GGT1: variants seen among roughly 807,000 people sequenced by gnomAD.
GGT1 encodes gamma-glutamyltransferase 1.
In GGT1, 21 loss-of-function variants were observed where a neutral mutation model predicts 56.0. That is an observed-to-expected ratio of 0.38 (90% CI 0.27 to 0.54). The LOEUF (loss-of-function observed/expected upper bound fraction) is 0.54. GGT1 is among the 20% of genes least tolerant of loss of function. The pLI is 0.82. For missense variants in GGT1, 466 were observed against 787.0 expected, an observed-to-expected ratio of 0.59 and a Z score of 4.88; for synonymous variants, 238 against 342.6, an observed-to-expected ratio of 0.69 and a Z score of 3.37.
At chr22:24,607,782 C>T (rs1187878658) in intron 1 of GGT1, 172 bp from the exon 2 acceptor site, 3 of 340,386 alleles carry the variant, frequency 8.8e-6, no homozygotes, top group East Asian at 9.2e-5. Context: ...TGCCTCTGCT[C>T]CTCCTCGGAG....
upstream of GGT1, among the ~76,000 whole-genome samples, chr22:24,594,295 C>G (rs1382160643): frequency 6.6e-6 from 1 of 151,934 alleles, no homozygotes; most frequent in South Asian, 2.1e-4. Flanking sequence ...GCAAGGAGCA[C>G]GTGTTTAGCC....
At chr22:24,591,758 C>T (rs960327375), upstream of GGT1, among the ~76,000 whole-genome samples, 1 of 152,232 alleles carries the variant, frequency 6.6e-6, no homozygotes, top group African/African-American at 2.4e-5. Context: ...TGCTGTTTGC[C>T]ACAGATGCCA....
chr22:24,620,819 T>C lies in GGT1; in HGVS notation c.576-94T>C, dbSNP rs1255190735. On this transcript the variant is annotated intron_variant, in intron 8 of 15. Coordinates refer to ENST00000400382, the MANE Select transcript of GGT1 (RefSeq NM_001288833.2). The surrounding 1 kb of genome is among the most constrained non-coding windows in gnomAD (Gnocchi z 5.6). ...ACCCACCTGTGACAGGCGCTGCCCC[T>C]GTTCTGCTCCGTTCTCCTGTGTGGA... 12 of 1,534,626 alleles carry C rather than the reference T, an allele frequency of 7.8e-6. No homozygotes were observed.
intron 1 of GGT1, among the ~76,000 whole-genome samples, chr22:24,595,655 G>A (rs368096050): frequency 7.2e-5 from 11 of 152,202 alleles, no homozygotes; most frequent in African/African-American, 9.7e-5. Flanking sequence ...TGATGGGAAC[G>A]TACTAGGCTC....
chr22:24,589,023 G>C, the GGT1 span: 7 of 1,022,218 alleles, frequency 6.8e-6, no homozygotes, highest in Non-Finnish European at 7.1e-6. Context: ...ACACACAGCA[G>C]CTGCAAGCCC....
chr22:24,592,553 G>C (rs535736244), upstream of GGT1: 22 of 447,170 alleles, frequency 4.9e-5, no homozygotes, highest in South Asian at 3.6e-4. Context: ...CCAGGCTACC[G>C]GGCCACCCTC....
the GGT1 span, among the ~76,000 whole-genome samples, chr22:24,584,017 T>C: frequency 2.3e-4 from 35 of 152,352 alleles, 1 homozygote; most frequent in South Asian, 7.2e-3. Context: ...AAATAATAGA[T>C]TGCTCACAGA....
the GGT1 span, chr22:24,588,559 A>G: frequency 1.3e-6 from 1 of 793,368 alleles, no homozygotes; most frequent in East Asian, 3.2e-5. Context: ...CCAGTCCCGC[A>G]GTGCCCGGCG....
At chr22:24,583,920 A>G in the GGT1 span, 16 of 388,352 alleles carry the variant, frequency 4.1e-5, no homozygotes, top group Non-Finnish European at 1.6e-5. Context: ...CTCCAACAGG[A>G]GTTTCAGGGA....
rs1238281043 is a variant in GGT1, at chr22:24,624,052, G to C, written c.1020+136G>C. 7.2e-6 allele frequency: 11 copies of C among 1,517,596 alleles called. No individual in the cohort carries two copies. In the South Asian group the frequency reaches 1.4e-4, roughly 19 times the overall value. The allele number at this position is 1,517,596 out of a possible 1,614,324, so 94.0% of individuals were successfully genotyped here. A position where few individuals can be genotyped will look rare whatever the true frequency, so the allele number is the denominator to read the frequency against. On this transcript the variant is annotated intron_variant, in intron 11 of 15. Transcript: ENST00000400382. Reference sequence around the variant, plus strand: ...CACAGACTTCGATTGCGGGCCTACTGTGTGCTCGGATGGACTCGTGGGTGA... The same window carrying C: ...CACAGACTTCGATTGCGGGCCTACTCTGTGCTCGGATGGACTCGTGGGTGA...
chr22:24,608,065 G>A lies in GGT1; in HGVS notation c.-359+42G>A, dbSNP rs1299422881. On this transcript the variant is annotated intron_variant, in intron 2 of 15. Transcript: ENST00000400382. ...CCCAAGGAAGGGGGTCTGGGTTTGA[G>A]GCCAACCATGGCAGCTGACCTACTT... 8.6e-6 allele frequency: 4 copies of A among 462,664 alleles called. No individual in the cohort carries two copies. In the Admixed American group the frequency reaches 9.8e-5, roughly 11 times the overall value. 28.7% of individuals were successfully genotyped at this position (462,664 alleles called of 1,614,324 possible).
intron 1 of GGT1, among the ~76,000 whole-genome samples, chr22:24,596,877 C>T (rs942947489): frequency 7.8e-6 from 1 of 127,416 alleles, no homozygotes; most frequent in Non-Finnish European, 1.6e-5. Flanking sequence ...TGCGTGGTGA[C>T]TTCACTCCAG....
At chr22:24,621,534 C>A (rs1185541435) in intron 9 of GGT1, among the ~76,000 whole-genome samples, 1 of 142,846 alleles carries the variant, frequency 7.0e-6, no homozygotes, top group African/African-American at 2.8e-5. Context: ...GGGGCAGGGG[C>A]CTGGAGCTTG....
chr22:24,609,010 A>G (rs2046495259), intron 2 of GGT1: 1 of 152,212 alleles, frequency 6.6e-6, no homozygotes, highest in African/African-American at 2.4e-5. Flanking sequence ...TTGCTGGCCC[A>G]GCTCCTGAGG....
chr22:24,611,540 TATC>T (rs56865474), intron 5 of GGT1, among the ~76,000 whole-genome samples: 13,821 of 65,746 alleles, frequency 0.21, 698 homozygotes, highest in Middle Eastern at 0.32. Context: ...TCTATCTATC[TATC>T]ATCTATCTAT....
chr22:24,586,399 G>C, the GGT1 span: 1 of 1,612,222 alleles, frequency 6.2e-7, no homozygotes, highest in Non-Finnish European at 8.5e-7. Flanking sequence ...TCTTCTGGAG[G>C]CTGCTCTTGA....
chr22:24,598,445 CAAAAAAA>C (rs1186508492), upstream of GGT1, among the ~76,000 whole-genome samples: 5 of 76,036 alleles, frequency 6.6e-5, no homozygotes, highest in African/African-American at 2.3e-4. Context: ...GACTCCGTCT[CAAAAAAA>C]AAAAAAAAAA....
intron 7 of GGT1, chr22:24,616,111 CA>C (rs112572592): frequency 0.43 from 52,014 of 120,244 alleles, 9,450 homozygotes; most frequent in Middle Eastern, 0.59. Context: ...GAGACCCTGC[CA>C]AAAAAAAAAA....
upstream of GGT1, chr22:24,592,176 T>C: frequency 2.5e-6 from 1 of 405,046 alleles, no homozygotes; most frequent in East Asian, 7.3e-5. Flanking sequence ...GGGACCAGCA[T>C]CCTGGGACAA....
Sources: gnomAD v4.1 joint callset for allele counts (sites outside exome capture counted in the v4.1 genomes callset) on GRCh38, gnomAD v4.1.1 for gene constraint, Gnocchi (gnomAD v3.1) non-coding constraint, MANE v1.5 for transcripts, NCBI Gene and HGNC (gene_info 2026-07-23, HGNC 2026-07-21) for gene names.